Variants in KLHL23 observed in about 807,000 individuals in gnomAD.
KLHL23 encodes the protein kelch like family member 23.
Under a neutral mutation model 48.9 loss-of-function variants are expected in KLHL23, and 33 were observed. That is an observed-to-expected ratio of 0.67 (90% CI 0.51 to 0.90). The LOEUF is 0.90. Among genes scored for constraint, KLHL23 ranks in the 40% least tolerant of loss-of-function variants. The pLI is 0.00. For synonymous variants in KLHL23, 234 were observed against 231.6 expected (o/e 1.01, Z -0.09); for missense variants, 608 against 669.6 (o/e 0.91, Z 1.02).
chr2:169,735,247 T>C lies in KLHL23; in HGVS notation c.233T>C (p.Ile78Thr). 6.2e-7 allele frequency: 1 copy of C among 1,604,082 alleles called. No homozygotes were observed. Among genetic ancestry groups the C allele is most frequent in the East Asian group, 2.2e-5 (1 of 44,850 alleles). ...ATGAAAGAAAAATTTAAAAATAAAA[T>C]AAAACTCTCTGGCATCCACCATGAT... ...ADMKEKFKNK[I>T]KLSGIHHDIL... is the part of the protein sequence containing the mutation. Residue 78 changes from isoleucine to threonine, a missense_variant, in exon 2 of 4, where the codon ATA becomes ACA. Around this residue, in one of 3 missense-constraint regions of KLHL23, gnomAD observed 419 missense variants for 473.1 expected, o/e 0.89. Coordinates refer to ENST00000392647, the MANE Select transcript of KLHL23 (RefSeq NM_144711.6). This position sits in a 1 kb window ranked among gnomAD's most constrained non-coding sequence, Gnocchi z 4.5.
chr2:169,735,218 T>C lies in KLHL23; in HGVS notation c.204T>C (p.Ala68=). 4 of 1,603,656 alleles carry C rather than the reference T, an allele frequency of 2.5e-6. No homozygotes were observed. The highest frequency in any genetic ancestry group is 3.3e-4 in the Middle Eastern group (2 of 5,990). ...ATTATTTTAAGGCAATGTTCACAGC[T>C]GACATGAAAGAAAAATTTAAAAATA... ...CSNYFKAMFT[A]DMKEKFKNKI... Residue 68 remains alanine, a synonymous_variant, in exon 2 of 4, where the codon GCT becomes GCC. Transcript: ENST00000392647. The surrounding 1 kb of genome is among the most constrained non-coding windows in gnomAD (Gnocchi z 4.5).
At chr2:169,737,060 A>G (rs1688536145) in intron 2 of KLHL23, among the ~76,000 whole-genome samples, 1 of 152,204 alleles carries the variant, frequency 6.6e-6, no homozygotes, top group Admixed American at 6.5e-5. Context: ...GCTGCCTCTG[A>G]AGCTAAACTG....
chr2:169,748,339 C>CAGCT (rs1252295788), intron 3 of KLHL23, among the ~76,000 whole-genome samples: 1 of 152,206 alleles, frequency 6.6e-6, no homozygotes, highest in Admixed American at 6.5e-5. Context: ...GCAGAAGGAA[C>CAGCT]AGCTCAGCGA....
At chr2:169,743,990 G>C (rs1688734679) in intron 3 of KLHL23, among the ~76,000 whole-genome samples, 1 of 152,152 alleles carries the variant, frequency 6.6e-6, no homozygotes, top group East Asian at 1.9e-4. Context: ...ATTTTTTAAA[G>C]ATAATATAAG....
At position 169,739,324 on chromosome 2, in the gene KLHL23, T is replaced by G. The variant is rs545721014; in HGVS notation, c.1214-2061T>G. On this transcript the variant is annotated intron_variant, in intron 2 of 3. Transcript: ENST00000392647. ...TGTTCTTCCTTTGTTAGTTGCTCTA[T>G]TCCTCTGTTTAAAAACCTTTAAAAT... is the stretch of plus-strand genomic sequence containing the variant. Among the ~76,000 whole-genome samples the G allele has an allele frequency of 1.2e-3, 185 of 152,150 alleles. 2 individuals are homozygous for G. Among genetic ancestry groups the G allele is most frequent in the African/African-American group, 4.0e-3 (167 of 41,524 alleles).
intron 2 of KLHL23, 178 bp from the exon 3 acceptor site, chr2:169,741,207 C>A (rs1688669440): frequency 3.0e-6 from 2 of 670,820 alleles, no homozygotes; most frequent in African/African-American, 1.8e-5. Context: ...CACGTCTCAC[C>A]CTCTCTTAAG....
At chr2:169,742,554 G>GTC (rs1180835497) in intron 3 of KLHL23, among the ~76,000 whole-genome samples, 1 of 152,200 alleles carries the variant, frequency 6.6e-6, no homozygotes, top group African/African-American at 2.4e-5. Context: ...TAAACAATCT[G>GTC]TCTCTCCTTC....
At chr2:169,749,373 G>A (rs1203337034) in intron 3 of KLHL23, 49 bp from the exon 4 acceptor site, 2 of 1,483,692 alleles carry the variant, frequency 1.3e-6, no homozygotes, top group Non-Finnish European at 1.8e-6. Flanking sequence ...AATCTCTTTT[G>A]TTTGTTATCC....
In KLHL23 at chr2:169,750,121, T is replaced by TATACGTATGTATGTATAC. The variant is rs1688936567; in HGVS notation, c.*392_*393insCGTATGTATGTATACATA. On this transcript the variant is annotated 3_prime_UTR_variant, in exon 4 of 4. Transcript: ENST00000392647. ...GTGTATACATATATATGTGTGTATA[T>TATACGTATGTATGTATAC]ATATACACATATATACGTATATATG... 1 of 38,268 alleles carries TATACGTATGTATGTATAC rather than the reference T, an allele frequency of 2.6e-5. No homozygotes were observed. Among genetic ancestry groups the TATACGTATGTATGTATAC allele is most frequent in the African/African-American group, 8.1e-5 (1 of 12,372 alleles). 2.4% of individuals were successfully genotyped at this position (38,268 alleles called of 1,614,324 possible).
intron 3 of KLHL23, among the ~76,000 whole-genome samples, chr2:169,742,585 T>C (rs1309575856): frequency 6.6e-6 from 1 of 152,234 alleles, no homozygotes; most frequent in East Asian, 1.9e-4. Context: ...CTCTCCTGCT[T>C]TCAACCAAGG....
At chr2:169,734,188 G>C (rs1408481988) in intron 1 of KLHL23, 101 bp downstream of exon 1, 1 of 147,534 alleles carries the variant, frequency 6.8e-6, no homozygotes, top group African/African-American at 2.4e-5. Flanking sequence ...GGCCGGGCGC[G>C]GGCAGCGAGG....
rs932603250 is a variant in KLHL23, at chr2:169,740,210, TC to T, written c.1214-1174del. ...TCACTGCAGCCTTGACCTCCTGAGA[TC>T]AAGCAATCCTCCCACCTCAGCCTCC... On this transcript the variant is annotated intron_variant, in intron 2 of 3. Coordinates refer to ENST00000392647, the MANE Select transcript of KLHL23 (RefSeq NM_144711.6). Among the ~76,000 whole-genome samples, 41 of 152,248 alleles carry T rather than the reference TC, an allele frequency of 2.7e-4. 1 individual carries two copies. In the Middle Eastern group the frequency reaches 0.01, roughly 38 times the overall value.
At chr2:169,736,348 T>C in intron 2 of KLHL23, 121 bp downstream of exon 2, 2 of 1,349,988 alleles carry the variant, frequency 1.5e-6, no homozygotes, top group South Asian at 2.9e-5. Context: ...ATTATACAAA[T>C]AATGCTACAC....
At position 169,739,552 on chromosome 2, in the gene KLHL23, A is replaced by G. The variant is rs561367802; in HGVS notation, c.1214-1833A>G. ...TGTCTAGAATGGCCTCCTCTCATCTATACTTGCCAACTTCCTACCATCACC... is the reference window on the plus strand; with the variant it reads ...TGTCTAGAATGGCCTCCTCTCATCTGTACTTGCCAACTTCCTACCATCACC... On this transcript the variant is annotated intron_variant, in intron 2 of 3. Transcript: ENST00000392647. Among the ~76,000 whole-genome samples, 5 of 152,190 alleles carry G rather than the reference A, an allele frequency of 3.3e-5. No homozygotes were observed. The East Asian group carries it at 7.7e-4, about 23-fold the overall frequency.
intron 2 of KLHL23, 179 bp from the exon 3 acceptor site, chr2:169,741,206 C>T: frequency 1.5e-6 from 1 of 666,878 alleles, no homozygotes; most frequent in East Asian, 2.9e-5. Context: ...GCACGTCTCA[C>T]CCTCTCTTAA....
intron 2 of KLHL23, among the ~76,000 whole-genome samples, chr2:169,738,011 T>A (rs980091878): frequency 6.6e-6 from 1 of 152,260 alleles, no homozygotes; most frequent in Non-Finnish European, 1.5e-5. Flanking sequence ...GTGTATCTAC[T>A]GTGAAACAAA....
chr2:169,748,039 A>T (rs575121579), intron 3 of KLHL23, among the ~76,000 whole-genome samples: 1 of 152,298 alleles, frequency 6.6e-6, no homozygotes, highest in African/African-American at 2.4e-5. Context: ...TGGGAGGATT[A>T]CTTGAGCCCA....
At chr2:169,736,607 A>G (rs1688523879) in intron 2 of KLHL23, among the ~76,000 whole-genome samples, 4 of 152,222 alleles carry the variant, frequency 2.6e-5, no homozygotes, top group Non-Finnish European at 5.9e-5. Context: ...GTAACAAAGT[A>G]CATTCTTCCA....
rs1376710434 is a variant in KLHL23, at chr2:169,749,555, G to A, written c.1500G>A (p.Glu500=). 2 of 1,614,122 alleles carry A rather than the reference G, an allele frequency of 1.2e-6. No individual in the cohort carries two copies. Among genetic ancestry groups the A allele is most frequent in the African/African-American group, 1.3e-5 (1 of 75,006 alleles). ...CTCCCATGATGGAAAGGAGGATGGA[G>A]TGCGGTGCCGTCATCATGAATGGAT... is the stretch of plus-strand genomic sequence containing the variant. The part of the protein sequence containing the change: ...EIAPMMERRM[E]CGAVIMNGCI... Residue 500 remains glutamate (E), a synonymous_variant, in exon 4 of 4, where the codon GAG becomes GAA. Coordinates refer to ENST00000392647, the MANE Select transcript of KLHL23 (RefSeq NM_144711.6).
Sources: gnomAD v4.1 joint callset for allele counts (sites outside exome capture counted in the v4.1 genomes callset) on GRCh38, gnomAD v4.1.1 for gene constraint, gnomAD v4.1.1 regional missense constraint, Gnocchi (gnomAD v3.1) non-coding constraint, MANE v1.5 for transcripts, NCBI Gene and HGNC (gene_info 2026-07-23, HGNC 2026-07-21) for gene names.